PRKN: variants seen among roughly 807,000 people sequenced by gnomAD.
The protein encoded by PRKN is E3 ubiquitin-protein ligase parkin.
A neutral mutation model predicts 59.5 loss-of-function variants in PRKN; 56 were observed. The ratio of observed to expected loss-of-function variants is 0.94; its 90% CI spans 0.76 to 1.18. The LOEUF (loss-of-function observed/expected upper bound fraction) is 1.18, where lower values mean the gene tolerates loss of function less well. Ranked by LOEUF, PRKN falls within the 50% of genes most tolerant of loss-of-function variation. The pLI is 0.00. For synonymous variants in PRKN, 250 were observed against 222.1 expected (o/e 1.13, Z -1.12); for missense variants, 657 against 596.4 (o/e 1.10, Z -1.06).
At chr6:161,658,915 T>C (rs1784449094) in intron 7 of PRKN, among the ~76,000 whole-genome samples, 1 of 152,242 alleles carries the variant, frequency 6.6e-6, no homozygotes, top group South Asian at 2.1e-4. Flanking sequence ...TAATTCTGTC[T>C]GTCTAGAAGA....
At chr6:162,175,486 A>C (rs988656526) in intron 4 of PRKN, among the ~76,000 whole-genome samples, 3 of 152,186 alleles carry the variant, frequency 2.0e-5, no homozygotes, top group African/African-American at 7.2e-5. Context: ...ATGTCTTGGA[A>C]ATCATAGCTA....
At chr6:162,558,115 C>T (rs4636000) in intron 1 of PRKN, among the ~76,000 whole-genome samples, 82,097 of 151,860 alleles carry the variant, frequency 0.54, 22,546 homozygotes, top group East Asian at 0.71. Context: ...CTGCTCCTTA[C>T]GACAAAGGTT....
rs112435708 is a variant in PRKN, at chr6:162,472,742, T to C, written c.8-29269A>G. Among the ~76,000 whole-genome samples the C allele has an allele frequency of 4.1e-3, 477 of 115,376 alleles. 69 individuals carry two copies. Among genetic ancestry groups the C allele is most frequent in the African/African-American group, 0.014 (442 of 31,978 alleles). 75.7% of individuals were successfully genotyped at this position (115,376 alleles called of 152,430 possible). On this transcript the variant is annotated intron_variant, in intron 1 of 11. Coordinates refer to ENST00000366898, the MANE Select transcript of PRKN (RefSeq NM_004562.3). The stretch of plus-strand genomic sequence containing the variant: ...TCCTGACCTCATGATCCACCCGCCT[T>C]GGCCTCCCAAAGTGCTGGGATTACA...
intron 2 of PRKN, among the ~76,000 whole-genome samples, chr6:162,339,666 T>C (rs950910794): frequency 2.0e-5 from 3 of 151,968 alleles, no homozygotes; most frequent in Non-Finnish European, 4.4e-5. Context: ...GAATGGGCCA[T>C]GATGACAATG....
chr6:162,086,109 G>C (rs1362121243), intron 4 of PRKN, among the ~76,000 whole-genome samples: 2 of 152,052 alleles, frequency 1.3e-5, no homozygotes, highest in African/African-American at 4.8e-5. Flanking sequence ...ATGTACTAAT[G>C]CCCTTTTCTT....
At chr6:161,697,335 G>A (rs1397653394) in intron 7 of PRKN, among the ~76,000 whole-genome samples, 3 of 152,196 alleles carry the variant, frequency 2.0e-5, no homozygotes, top group Non-Finnish European at 4.4e-5. Flanking sequence ...TATAATATTT[G>A]CTGTGAATTA....
chr6:161,814,963 C>G (rs528949077), intron 6 of PRKN, among the ~76,000 whole-genome samples: 3 of 152,316 alleles, frequency 2.0e-5, no homozygotes, highest in African/African-American at 7.2e-5. Flanking sequence ...GGTGGAGACA[C>G]AACCAAATCA....
At position 161,359,336 on chromosome 6, in the gene PRKN, G is replaced by A. The variant is rs1022898262; in HGVS notation, c.1285+752C>T. On this transcript the variant is annotated intron_variant, in intron 11 of 11. Transcript: ENST00000366898. The surrounding 1 kb of genome is among the most constrained non-coding windows in gnomAD (Gnocchi z 5.4). ...GACATAACTGAAAAGAGAGAGGCTT[G>A]AGTGCCCATCCTGGGATGGCCGGGC... is the stretch of plus-strand genomic sequence containing the variant. Among the ~76,000 whole-genome samples the A allele has an allele frequency of 6.6e-6, 1 of 152,218 alleles. No homozygotes were observed. Among genetic ancestry groups the A allele is most frequent in the African/African-American group, 2.4e-5 (1 of 41,448 alleles).
rs1781114214 is a variant in PRKN, at chr6:161,575,929, T to C, written c.872-6513A>G. ...GAAGATTCAATGTGATCGAAGACAA[T>C]GCAGCGAGACTGAACACTGACCTCT... is the stretch of plus-strand genomic sequence containing the variant. On this transcript the variant is annotated intron_variant, in intron 7 of 11. Coordinates refer to ENST00000366898, the MANE Select transcript of PRKN (RefSeq NM_004562.3). The surrounding 1 kb of genome is among the most constrained non-coding windows in gnomAD (Gnocchi z 4.6). 3.9e-5 allele frequency among the ~76,000 whole-genome samples: 6 copies of C among 152,178 alleles called. No homozygotes were observed. Among genetic ancestry groups the C allele is most frequent in the Admixed American group, 6.5e-5 (1 of 15,276 alleles).
chr6:162,603,259 T>A (rs117289083), intron 1 of PRKN, among the ~76,000 whole-genome samples: 2,759 of 152,276 alleles, frequency 0.018, 33 homozygotes, highest in Admixed American at 0.037. Flanking sequence ...AATTCCTACA[T>A]ATTTTGCTAC....
rs889915451 is a variant in PRKN, at chr6:161,440,256, C to T, written c.1084-53379G>A. Among the ~76,000 whole-genome samples, 3 of 152,006 alleles carry T rather than the reference C, an allele frequency of 2.0e-5. No individual in the cohort carries two copies. Among genetic ancestry groups the T allele is most frequent in the Non-Finnish European group, 4.4e-5 (3 of 67,976 alleles). Reference sequence around the variant, plus strand: ...GTGTGAGACACTGCGCCTGGCCTGGCCCTAAGTTTTTACCCTTCCCATTAT... The same window carrying T: ...GTGTGAGACACTGCGCCTGGCCTGGTCCTAAGTTTTTACCCTTCCCATTAT... On this transcript the variant is annotated intron_variant, in intron 9 of 11. Coordinates refer to ENST00000366898, the MANE Select transcript of PRKN (RefSeq NM_004562.3). The surrounding 1 kb of genome is among the most constrained non-coding windows in gnomAD (Gnocchi z 4.1).
intron 9 of PRKN, among the ~76,000 whole-genome samples, chr6:161,427,126 C>T (rs922679922): frequency 6.6e-6 from 1 of 152,028 alleles, no homozygotes; most frequent in East Asian, 1.9e-4. Flanking sequence ...TCAAGCAATC[C>T]TCCCACCTCA....
chr6:162,309,183 CAG>C (rs1782360914), intron 2 of PRKN, among the ~76,000 whole-genome samples: 1 of 152,060 alleles, frequency 6.6e-6, no homozygotes, highest in Non-Finnish European at 1.5e-5. Flanking sequence ...ATCACAACAA[CAG>C]AGTCTCACTC....
At chr6:162,311,640 G>T (rs1782524118) in intron 2 of PRKN, among the ~76,000 whole-genome samples, 1 of 151,648 alleles carries the variant, frequency 6.6e-6, no homozygotes, top group Non-Finnish European at 1.5e-5. Flanking sequence ...GTACCACCAT[G>T]CCCAGCTAAT....
Position 161,446,357 on chromosome 6 carries a change from A to C in PRKN, c.1084-59480T>G, listed in dbSNP as rs564902755. On this transcript the variant is annotated intron_variant, in intron 9 of 11. Transcript: ENST00000366898. This position sits in a 1 kb window ranked among gnomAD's most constrained non-coding sequence, Gnocchi z 6.2. ...AGGTTTCGAGGTCCAAGTGTGACTT[A>C]GAGGAACTGGGAGATGCCAGCAGAC... is the stretch of plus-strand genomic sequence containing the variant. Among the ~76,000 whole-genome samples the C allele has an allele frequency of 4.5e-4, 68 of 152,204 alleles. No homozygotes were observed. The highest frequency in any genetic ancestry group is 2.5e-3 in the Admixed American group (38 of 15,300).
At chr6:161,722,471 G>A (rs1787266210) in intron 7 of PRKN, among the ~76,000 whole-genome samples, 1 of 152,150 alleles carries the variant, frequency 6.6e-6, no homozygotes, top group Non-Finnish European at 1.5e-5. Context: ...CTTTGTCACA[G>A]CTATAAGCAA....
intron 2 of PRKN, among the ~76,000 whole-genome samples, chr6:162,403,953 T>C (rs1313902139): frequency 6.6e-6 from 1 of 152,210 alleles, no homozygotes; most frequent in African/African-American, 2.4e-5. Flanking sequence ...TACCTGTTTT[T>C]TTCATGGCAT....
rs1471363715 is a variant in PRKN, at chr6:162,443,361, C to T, written c.120G>A (p.Gln40=). 5.6e-6 allele frequency: 9 copies of T among 1,613,406 alleles called. No individual in the cohort carries two copies. In the South Asian group the frequency reaches 6.6e-5, roughly 12 times the overall value. ...VAKRQGVPAD[Q]LRVIFAGKEL... is the part of the protein sequence containing the mutation. The stretch of plus-strand genomic sequence containing the variant: ...CCTTCCCTGCGAAAATCACACGCAA[C>T]TGGTCAGCCGGAACCCCCTGTCGCT... Residue 40 remains glutamine (Q), a synonymous_variant, in exon 2 of 12, where the codon CAG becomes CAA. Coordinates refer to ENST00000366898, the MANE Select transcript of PRKN (RefSeq NM_004562.3).
intron 7 of PRKN, among the ~76,000 whole-genome samples, chr6:161,722,249 T>C (rs1446648634): frequency 2.0e-5 from 3 of 152,192 alleles, no homozygotes; most frequent in South Asian, 4.1e-4. Flanking sequence ...GCCCCCAGCA[T>C]ACAAATATCA....
Sources: gnomAD v4.1 joint callset for allele counts (sites outside exome capture counted in the v4.1 genomes callset) on GRCh38, gnomAD v4.1.1 for gene constraint, Gnocchi (gnomAD v3.1) non-coding constraint, MANE v1.5 for transcripts, NCBI Gene and HGNC (gene_info 2026-07-23, HGNC 2026-07-21) for gene names.